SGCD: variants seen among roughly 807,000 people sequenced by gnomAD.
SGCD encodes the protein sarcoglycan delta, also known as delta-sarcoglycan.
A neutral mutation model predicts 36.6 loss-of-function variants in SGCD; 18 were observed. That is an observed-to-expected ratio of 0.49 (90% CI 0.34 to 0.73). SGCD has a LOEUF of 0.73. Ranked by LOEUF, SGCD falls within the 30% of genes least tolerant of loss-of-function variation. SGCD has a pLI of 0.01. For missense variants in SGCD, 387 were observed against 346.7 expected (o/e 1.12, Z -0.92); for synonymous variants, 133 against 130.6 (o/e 1.02, Z -0.12).
the SGCD span, among the ~76,000 whole-genome samples, chr5:155,758,181 G>A: frequency 6.6e-6 from 1 of 152,028 alleles, no homozygotes; most frequent in Non-Finnish European, 1.5e-5. Context: ...AGTTTCCCAT[G>A]TTTAGAACAT....
intron 1 of SGCD, among the ~76,000 whole-genome samples, chr5:155,993,445 A>G (rs1031888878): frequency 1.3e-5 from 2 of 151,174 alleles, no homozygotes; most frequent in Non-Finnish European, 2.9e-5. Context: ...CCTGGGCTCA[A>G]GCATTTCTTG....
rs954374078 is a variant in SGCD, at chr5:156,761,838, A to T, written c.*2448A>T. On this transcript the variant is annotated 3_prime_UTR_variant, in exon 9 of 9. Transcript: ENST00000337851. Reference sequence around the variant, plus strand: ...TAATCCTAAGGGTAGTGAGATCACAAACAGAATAAAAATAAGAGCAATCAA... The same window carrying T: ...TAATCCTAAGGGTAGTGAGATCACATACAGAATAAAAATAAGAGCAATCAA... The T allele has an allele frequency of 6.6e-6, 1 of 152,224 alleles. No homozygotes were observed. Among genetic ancestry groups the T allele is most frequent in the Non-Finnish European group, 1.5e-5 (1 of 68,040 alleles). The allele number at this position is 152,224 out of a possible 1,614,324, so 9.4% of individuals were successfully genotyped here.
At chr5:156,154,850 A>T (rs1762913441) in intron 3 of SGCD, among the ~76,000 whole-genome samples, 1 of 151,506 alleles carries the variant, frequency 6.6e-6, no homozygotes, top group Non-Finnish European at 1.5e-5. Context: ...TCATTTCAAG[A>T]GGGCTGAAAA....
chr5:155,807,088 T>A, the SGCD span, among the ~76,000 whole-genome samples: 6,818 of 152,286 alleles, frequency 0.045, 325 homozygotes, highest in African/African-American at 0.12. Context: ...ATTTTAAGTG[T>A]TAAAAAATCC....
intron 3 of SGCD, among the ~76,000 whole-genome samples, chr5:156,148,831 T>C (rs1221223871): frequency 6.6e-6 from 1 of 152,120 alleles, no homozygotes; most frequent in Non-Finnish European, 1.5e-5. Flanking sequence ...ATCTTTAGGG[T>C]CCGGGGTCTG....
chr5:156,745,320 T>C (rs1159690863), intron 7 of SGCD, among the ~76,000 whole-genome samples: 1 of 152,168 alleles, frequency 6.6e-6, no homozygotes, highest in East Asian at 1.9e-4. Flanking sequence ...CTTGATAACT[T>C]CAAACTGGCC....
At chr5:155,733,827 TTTC>T in the SGCD span, among the ~76,000 whole-genome samples, 1 of 152,104 alleles carries the variant, frequency 6.6e-6, no homozygotes, top group Non-Finnish European at 1.5e-5. Flanking sequence ...CAAGTCTCCA[TTTC>T]TTCATGTACA....
intron 1 of SGCD, among the ~76,000 whole-genome samples, chr5:156,059,666 A>C (rs771480590): frequency 6.8e-6 from 1 of 146,422 alleles, no homozygotes; most frequent in Non-Finnish European, 1.5e-5. Flanking sequence ...TTGCCAAAGT[A>C]ATTTGCCTTC....
chr5:155,817,756 A>G, the SGCD span, among the ~76,000 whole-genome samples: 1 of 152,202 alleles, frequency 6.6e-6, no homozygotes, highest in Non-Finnish European at 1.5e-5. Context: ...ATAAAAAAAT[A>G]AGTAAATGTG....
chr5:156,018,544 TTTAATAGGGGA>T (rs546248212), intron 1 of SGCD, among the ~76,000 whole-genome samples: 1,860 of 152,342 alleles, frequency 0.012, 16 homozygotes, highest in South Asian at 0.017. Flanking sequence ...GTAAATTGTT[TTTAATAGGGGA>T]TTAAGACCAT....
At chr5:156,311,132 G>T (rs1767379498) in intron 3 of SGCD, among the ~76,000 whole-genome samples, 1 of 152,124 alleles carries the variant, frequency 6.6e-6, no homozygotes, top group Admixed American at 6.5e-5. Context: ...GTATAAAGTG[G>T]TTTTTACCAA....
rs550358472 is a variant in SGCD, at chr5:156,291,632, T to C, written c.-43-37902T>C. On this transcript the variant is annotated intron_variant, in intron 3 of 9. Transcript: ENST00000517913. ...GTAATATTTACTATCTTAACCTTTT[T>C]TTTCCTACTCTCTAAAGGGAAGGGA... Among the ~76,000 whole-genome samples the C allele has an allele frequency of 1.3e-3, 200 of 152,222 alleles. 1 individual carries two copies. The highest frequency in any genetic ancestry group is 4.7e-3 in the African/African-American group (195 of 41,562).
At chr5:156,592,959 T>C (rs1232944635) in intron 5 of SGCD, among the ~76,000 whole-genome samples, 1 of 152,190 alleles carries the variant, frequency 6.6e-6, no homozygotes, top group Admixed American at 6.5e-5. Flanking sequence ...TGTTGTCCCA[T>C]TGCAGTAGAA....
chr5:156,687,670 T>C (rs1432319331), intron 7 of SGCD, among the ~76,000 whole-genome samples: 1 of 152,206 alleles, frequency 6.6e-6, no homozygotes, highest in Non-Finnish European at 1.5e-5. Context: ...CTGACCCTCC[T>C]TTCCCTCCGC....
the SGCD span, among the ~76,000 whole-genome samples, chr5:155,837,003 T>C: frequency 6.6e-6 from 1 of 152,188 alleles, no homozygotes; most frequent in Non-Finnish European, 1.5e-5. Flanking sequence ...TGCAAACTTA[T>C]GTTGTATTTG....
At chr5:156,414,763 A>G (rs572317054) in intron 3 of SGCD, among the ~76,000 whole-genome samples, 12 of 152,372 alleles carry the variant, frequency 7.9e-5, no homozygotes, top group Admixed American at 5.9e-4. Context: ...AATATTTGGA[A>G]GGATATGTAC....
At chr5:156,400,958 T>G (rs1772115647) in intron 3 of SGCD, among the ~76,000 whole-genome samples, 2 of 152,224 alleles carry the variant, frequency 1.3e-5, no homozygotes, top group Admixed American at 1.3e-4. Context: ...GATAACCCAG[T>G]GTTGCATGCC....
At chr5:156,060,403 G>C (rs1321196922) in intron 1 of SGCD, among the ~76,000 whole-genome samples, 1 of 146,336 alleles carries the variant, frequency 6.8e-6, no homozygotes, top group Non-Finnish European at 1.5e-5. Context: ...TATAGAGAAG[G>C]TTTAGAACAG....
intron 1 of SGCD, among the ~76,000 whole-genome samples, chr5:155,962,783 G>A (rs1228657214): frequency 1.3e-5 from 2 of 152,112 alleles, no homozygotes; most frequent in Non-Finnish European, 2.9e-5. Context: ...AACAGAAAAT[G>A]TGGTCTCTGC....
Sources: gnomAD v4.1 joint callset for allele counts (sites outside exome capture counted in the v4.1 genomes callset) on GRCh38, gnomAD v4.1.1 for gene constraint, MANE v1.5 for transcripts, NCBI Gene and HGNC (gene_info 2026-07-23, HGNC 2026-07-21) for gene names.